The following SLC39A11 variants were observed in gnomAD, a reference collection of about 807,000 sequenced individuals.
SLC39A11 encodes zinc transporter ZIP11.
Under a neutral mutation model 36.1 loss-of-function variants are expected in SLC39A11, and 33 were observed. The observed-to-expected ratio is 0.91, with a 90% CI of 0.69 to 1.22. SLC39A11 has a LOEUF of 1.22. Ranked by LOEUF, SLC39A11 falls within the 50% of genes most tolerant of loss-of-function variation. The pLI is 0.00. For missense variants in SLC39A11, 432 were observed against 430.3 expected (o/e 1.00, Z -0.03); for synonymous variants, 166 against 170.3 (o/e 0.97, Z 0.20).
rs553583617 is a variant in SLC39A11 at position 72,648,903 on chromosome 17, C to T, written c.829G>A (p.Val277Met). Residue 277 changes from valine to methionine, a missense_variant, in exon 9 of 10, where the codon GTG becomes ATG. By Grantham distance (21) the Val-to-Met change is conservative. Transcript: ENST00000255559. ...GGCAGGATGGGCTCAGCCAGCACCA[C>T]GGCAAAGGCACCAAAGACCCCGGCC... ...PLAGVFGAFA[V>M]VLAEPILPYA... The T allele has an allele frequency of 4.0e-5, 64 of 1,614,108 alleles. No individual in the cohort carries two copies. Among genetic ancestry groups the T allele is most frequent in the African/African-American group, 1.3e-4 (10 of 75,056 alleles).
At chr17:72,905,266 G>A (rs1006211712) in intron 5 of SLC39A11, among the ~76,000 whole-genome samples, 2 of 148,482 alleles carry the variant, frequency 1.3e-5, no homozygotes, top group African/African-American at 5.0e-5. Flanking sequence ...GTGGCTGGAT[G>A]GATTCTGTTT....
intron 5 of SLC39A11, among the ~76,000 whole-genome samples, chr17:72,881,273 A>C (rs912106392): frequency 2.6e-5 from 4 of 152,216 alleles, no homozygotes; most frequent in African/African-American, 9.6e-5. Flanking sequence ...CTGTTCTGCA[A>C]GTGAATGGAT....
chr17:72,772,187 C>T (rs1935814283), intron 6 of SLC39A11, among the ~76,000 whole-genome samples: 1 of 151,570 alleles, frequency 6.6e-6, no homozygotes, highest in African/African-American at 2.4e-5. Context: ...GAGCAATGCC[C>T]TCCACCCCAG....
In SLC39A11 at chr17:72,997,516, G is replaced by A. The variant is rs182698084; in HGVS notation, c.306+34040C>T. On this transcript the variant is annotated intron_variant, in intron 4 of 9. Coordinates refer to ENST00000255559, the MANE Select transcript of SLC39A11 (RefSeq NM_139177.4). ...GATCCTCCTGCCTCGGCCTCCCAAA[G>A]TGCTGGGATTACAGGCGTGAGCCAC... Among the ~76,000 whole-genome samples the A allele has an allele frequency of 8.0e-3, 1,211 of 152,216 alleles. 12 individuals carry two copies. Among genetic ancestry groups the A allele is most frequent in the African/African-American group, 0.027 (1,133 of 41,526 alleles).
chr17:72,732,508 T>C (rs2074273769), intron 7 of SLC39A11, among the ~76,000 whole-genome samples: 2 of 152,188 alleles, frequency 1.3e-5, no homozygotes, highest in South Asian at 4.1e-4. Flanking sequence ...TGGGACCATC[T>C]TGGCAGTTTT....
intron 5 of SLC39A11, among the ~76,000 whole-genome samples, chr17:72,873,698 C>T (rs981648137): frequency 2.0e-5 from 3 of 152,142 alleles, no homozygotes; most frequent in African/African-American, 7.2e-5. Flanking sequence ...AGCACACTGC[C>T]CTTGGATTGT....
intron 6 of SLC39A11, among the ~76,000 whole-genome samples, chr17:72,741,457 C>T (rs560374720): frequency 1.3e-5 from 2 of 152,226 alleles, no homozygotes; most frequent in Admixed American, 6.5e-5. Context: ...TGTATTTTTA[C>T]AGTAATCAAT....
intron 4 of SLC39A11, among the ~76,000 whole-genome samples, chr17:72,988,933 G>A (rs2088963075): frequency 6.6e-6 from 1 of 152,132 alleles, no homozygotes; most frequent in Non-Finnish European, 1.5e-5. Context: ...TATGCAGGCA[G>A]AGCATGGTGG....
chr17:72,768,779 G>T (rs956525550), intron 6 of SLC39A11, among the ~76,000 whole-genome samples: 6 of 151,586 alleles, frequency 4.0e-5, no homozygotes, highest in African/African-American at 1.5e-4. Flanking sequence ...ATTATTTTTT[G>T]AGATGGAGTC....
chr17:73,006,405 C>T (rs1462335159), intron 4 of SLC39A11, among the ~76,000 whole-genome samples: 2 of 151,724 alleles, frequency 1.3e-5, no homozygotes, highest in Admixed American at 6.6e-5. Context: ...GTACAGCCCA[C>T]GAGCTAAGGA....
intron 6 of SLC39A11, among the ~76,000 whole-genome samples, chr17:72,829,452 C>T (rs2078176250): frequency 6.6e-6 from 1 of 151,834 alleles, no homozygotes; most frequent in South Asian, 2.1e-4. Context: ...GATTTGGTGA[C>T]CAACTAGCTA....
At chr17:72,740,056 CTTT>C (rs386386565) in intron 6 of SLC39A11, among the ~76,000 whole-genome samples, 83 of 81,454 alleles carry the variant, frequency 1.0e-3, no homozygotes, top group South Asian at 1.1e-3. Flanking sequence ...CTTTCCTTTT[CTTT>C]TTTTTTTTTT....
intron 7 of SLC39A11, among the ~76,000 whole-genome samples, chr17:72,735,236 C>T (rs764424936): frequency 2.0e-5 from 3 of 152,156 alleles, no homozygotes; most frequent in East Asian, 1.9e-4. Context: ...CGCTTCTTAA[C>T]GTACAGCCTT....
intron 5 of SLC39A11, among the ~76,000 whole-genome samples, chr17:72,887,395 C>T (rs1308938861): frequency 2.0e-5 from 3 of 152,170 alleles, no homozygotes; most frequent in East Asian, 1.9e-4. Context: ...AGGAAACAGC[C>T]GCAAAGATGA....
chr17:72,673,019 C>T (rs1378106227), intron 7 of SLC39A11, among the ~76,000 whole-genome samples: 1 of 152,168 alleles, frequency 6.6e-6, no homozygotes, highest in Non-Finnish European at 1.5e-5. Flanking sequence ...GACTTTATGG[C>T]CCACAAAGCT....
intron 6 of SLC39A11, among the ~76,000 whole-genome samples, chr17:72,840,895 A>T (rs1363596084): frequency 6.6e-6 from 1 of 151,714 alleles, no homozygotes; most frequent in East Asian, 1.9e-4. Flanking sequence ...CTCTACTAAA[A>T]ATACAAAAAA....
At chr17:73,028,904 G>C (rs753180481) in intron 4 of SLC39A11, among the ~76,000 whole-genome samples, 28 of 151,554 alleles carry the variant, frequency 1.8e-4, no homozygotes, top group Non-Finnish European at 3.5e-4. Context: ...GATCACTTGA[G>C]GTCAGGAGTT....
chr17:72,740,211 C>T (rs1225860387), intron 6 of SLC39A11, among the ~76,000 whole-genome samples: 4 of 151,608 alleles, frequency 2.6e-5, no homozygotes, highest in East Asian at 3.9e-4. Context: ...TACAGGCGCC[C>T]GCCACCACGC....
intron 3 of SLC39A11, among the ~76,000 whole-genome samples, chr17:73,040,079 A>G (rs1018488625): frequency 2.6e-5 from 4 of 152,222 alleles, no homozygotes; most frequent in Non-Finnish European, 5.9e-5. Context: ...AATCGATCCC[A>G]TAGCATTCCC....
Sources: gnomAD v4.1 joint callset for allele counts (sites outside exome capture counted in the v4.1 genomes callset) on GRCh38, gnomAD v4.1.1 for gene constraint, MANE v1.5 for transcripts, NCBI Gene and HGNC (gene_info 2026-07-23, HGNC 2026-07-21) for gene names.